Variants in POTEH observed in about 807,000 individuals in gnomAD.
The protein encoded by POTEH is ANKRD26-like family C member 3.
A neutral mutation model predicts 41.7 loss-of-function variants in POTEH; 6 were observed. The observed-to-expected ratio is 0.14, with a 90% CI of 0.08 to 0.28. The LOEUF (loss-of-function observed/expected upper bound fraction) is 0.28. POTEH is among the 10% of genes least tolerant of loss of function. The pLI is 1.00. For synonymous variants in POTEH, 38 were observed against 179.9 expected (o/e 0.21, Z 6.31); for missense variants, 115 against 533.5 (o/e 0.22, Z 7.73).
rs1378916984 is a variant in POTEH, at chr22:15,717,045, A to G, written c.1521-2615A>G. Among the ~76,000 whole-genome samples, 2 of 68,866 alleles carry G rather than the reference A, an allele frequency of 2.9e-5. 1 individual carries two copies. Among genetic ancestry groups the G allele is most frequent in the Admixed American group, 3.8e-4 (2 of 5,256 alleles). The allele number at this position is 68,866 out of a possible 152,430, so 45.2% of individuals were successfully genotyped here. ...TTTCCTTTATGAATTATCCAGTCTC[A>G]GGTATGTATGTGTATGAATTACCCA... On this transcript the variant is annotated intron_variant, in intron 9 of 10. Transcript: ENST00000343518.
chr22:15,691,319 C>G (rs1289148103), intron 1 of POTEH, among the ~76,000 whole-genome samples: 8 of 134,134 alleles, frequency 6.0e-5, no homozygotes, highest in African/African-American at 1.1e-4. Context: ...GTCAGGAGAT[C>G]GAGACCATCC....
chr22:15,708,134 ATTTTT>A, intron 7 of POTEH, 44 bp downstream of exon 7: 5 of 462,648 alleles, frequency 1.1e-5, no homozygotes, highest in Non-Finnish European at 1.4e-5. Context: ...AACGTTTTTT[ATTTTT>A]TTTTTTTTTG....
rs202123252 is a variant in POTEH at position 15,707,559 on chromosome 22, T to TA, written c.1238-444dup. Among the ~76,000 whole-genome samples, 189 of 32,416 alleles carry TA rather than the reference T, an allele frequency of 5.8e-3. 1 individual carries two copies. The highest frequency in any genetic ancestry group is 6.8e-3 in the African/African-American group (43 of 6,306). 21.3% of individuals were successfully genotyped at this position (32,416 alleles called of 152,430 possible). A position where few individuals can be genotyped will look rare whatever the true frequency, so the allele number is the denominator to read the frequency against. On this transcript the variant is annotated intron_variant, in intron 6 of 10. Coordinates refer to ENST00000343518, the MANE Select transcript of POTEH (RefSeq NM_001136213.1). The stretch of plus-strand genomic sequence containing the variant: ...GTGACAGAGCAAGACCCTGGCTCAT[T>TA]AAAAAAAAAAAAAAAAATTAAAATA...
At chr22:15,691,239 T>G (rs1989301436) in intron 1 of POTEH, among the ~76,000 whole-genome samples, 1 of 140,942 alleles carries the variant, frequency 7.1e-6, no homozygotes, top group South Asian at 2.2e-4. Context: ...ATGTGAGCTT[T>G]TTGGCTGGGC....
intron 8 of POTEH, among the ~76,000 whole-genome samples, chr22:15,710,367 G>A (rs1281807655): frequency 1.3e-5 from 2 of 149,250 alleles, no homozygotes; most frequent in African/African-American, 5.0e-5. Flanking sequence ...AGGCAGTGGG[G>A]GAGAAGAATA....
rs1369314988 is a variant in POTEH at position 15,691,937 on chromosome 22, A to G, written c.632+1228A>G. 2.7e-5 allele frequency among the ~76,000 whole-genome samples: 4 copies of G among 147,308 alleles called. No individual in the cohort carries two copies. The South Asian group carries it at 6.5e-4, about 24-fold the overall frequency. ...TTAAAAATTTTAAATATACAAAAAG[A>G]GAAACATACCAGAAGAAAACACAAG... is the stretch of plus-strand genomic sequence containing the variant. On this transcript the variant is annotated intron_variant, in intron 1 of 10. Coordinates refer to ENST00000343518, the MANE Select transcript of POTEH (RefSeq NM_001136213.1).
chr22:15,711,617 C>A (rs2077444843), intron 9 of POTEH, among the ~76,000 whole-genome samples: 1 of 151,798 alleles, frequency 6.6e-6, no homozygotes, highest in Non-Finnish European at 1.5e-5. Context: ...TTGGTAAATA[C>A]ATTTTGAACA....
In POTEH at chr22:15,692,997, G is replaced by A. The variant is rs1156360373; in HGVS notation, c.632+2288G>A. Among the ~76,000 whole-genome samples, 8 of 125,178 alleles carry A rather than the reference G, an allele frequency of 6.4e-5. No individual in the cohort carries two copies. In the South Asian group the frequency reaches 1.9e-3, roughly 30 times the overall value. 82.1% of individuals were successfully genotyped at this position (125,178 alleles called of 152,430 possible). A position where few individuals can be genotyped will look rare whatever the true frequency, so the allele number is the denominator to read the frequency against. ...TTAAAATAGCAGTGTATTTAGAAAAGCCCATATAAAGATTTCATGAACAAA... is the reference window on the plus strand; with the variant it reads ...TTAAAATAGCAGTGTATTTAGAAAAACCCATATAAAGATTTCATGAACAAA... On this transcript the variant is annotated intron_variant, in intron 1 of 10. Coordinates refer to ENST00000343518, the MANE Select transcript of POTEH (RefSeq NM_001136213.1).
intron 7 of POTEH, among the ~76,000 whole-genome samples, chr22:15,708,540 A>AG (rs1569287659): frequency 6.5e-5 from 5 of 76,730 alleles, no homozygotes; most frequent in African/African-American, 1.1e-4. Context: ...AAAAAAAAAA[A>AG]AATATTTTAA....
intron 9 of POTEH, among the ~76,000 whole-genome samples, chr22:15,714,232 T>G (rs111548637): frequency 6.6e-6 from 1 of 152,152 alleles, no homozygotes; most frequent in South Asian, 2.1e-4. Context: ...TCTAGATGAG[T>G]GTCATAGACT....
At chr22:15,697,157 T>C (rs1349458451) in intron 3 of POTEH, among the ~76,000 whole-genome samples, 1 of 146,432 alleles carries the variant, frequency 6.8e-6, no homozygotes, top group Non-Finnish European at 1.5e-5. Flanking sequence ...TGAGCCCCTG[T>C]CTCTAAAAAC....
intron 1 of POTEH, among the ~76,000 whole-genome samples, chr22:15,691,319 C>T (rs1289148103): frequency 8.2e-5 from 11 of 134,010 alleles, no homozygotes; most frequent in South Asian, 2.3e-4. Flanking sequence ...GTCAGGAGAT[C>T]GAGACCATCC....
chr22:15,693,501 AGATT>A (rs1281677381), intron 1 of POTEH, among the ~76,000 whole-genome samples: 27 of 152,250 alleles, frequency 1.8e-4, no homozygotes, highest in East Asian at 5.8e-4. Flanking sequence ...CATTATATAT[AGATT>A]AACATGTAAA....
intron 1 of POTEH, among the ~76,000 whole-genome samples, chr22:15,692,464 A>T (rs1451859626): frequency 1.4e-5 from 2 of 146,306 alleles, no homozygotes; most frequent in Non-Finnish European, 3.1e-5. Flanking sequence ...AAGTTAGAGG[A>T]GGAATGAAAG....
At chr22:15,718,137 CT>C in intron 9 of POTEH, among the ~76,000 whole-genome samples, 1 of 76,044 alleles carries the variant, frequency 1.3e-5, no homozygotes, top group African/African-American at 5.4e-5. Flanking sequence ...CACGCTGTTT[CT>C]GTTACTGTGG....
intron 1 of POTEH, 24 bp downstream of exon 1, chr22:15,690,733 A>G: frequency 7.1e-7 from 1 of 1,400,122 alleles, no homozygotes; most frequent in Non-Finnish European, 9.9e-7. Flanking sequence ...GGCTGGGAGG[A>G]GGTGGGATGT....
intron 1 of POTEH, among the ~76,000 whole-genome samples, chr22:15,691,542 AAAAGT>A: frequency 7.2e-6 from 1 of 138,348 alleles, no homozygotes; most frequent in South Asian, 2.3e-4. Flanking sequence ...AAAAAAAAAA[AAAAGT>A]GAGCTTTTTC....
rs530634636 is a variant in POTEH, at chr22:15,712,605, T to G, written c.1520+1571T>G. Among the ~76,000 whole-genome samples the G allele has an allele frequency of 5.9e-3, 227 of 38,690 alleles. 5 individuals carry two copies. Among genetic ancestry groups the G allele is most frequent in the African/African-American group, 0.023 (211 of 9,126 alleles). 25.4% of individuals were successfully genotyped at this position (38,690 alleles called of 152,430 possible). A position where few individuals can be genotyped will look rare whatever the true frequency, so the allele number is the denominator to read the frequency against. ...GTAAAAGTGTCCTGCATGGGTGACA[T>G]TATCTTTCCTTTGAGAAAAGGATAT... On this transcript the variant is annotated intron_variant, in intron 9 of 10. Transcript: ENST00000343518.
rs1456872378 is a variant in POTEH, at chr22:15,717,269, T to A, written c.1521-2391T>A. ...GCTGCAGTAAACATATGTGTGCGGG[T>A]GTCTTTGTGAGAGTACGATTTCTTT... is the stretch of plus-strand genomic sequence containing the variant. On this transcript the variant is annotated intron_variant, in intron 9 of 10. Transcript: ENST00000343518. Among the ~76,000 whole-genome samples the A allele has an allele frequency of 2.2e-5, 2 of 91,564 alleles. 1 individual carries two copies. Among genetic ancestry groups the A allele is most frequent in the African/African-American group, 6.8e-5 (2 of 29,490 alleles). The allele number at this position is 91,564 out of a possible 152,430, so 60.1% of individuals were successfully genotyped here.
Sources: allele counts gnomAD v4.1 joint callset (sites outside exome capture counted in the v4.1 genomes callset), GRCh38; gene constraint gnomAD v4.1.1; transcripts MANE v1.5; gene names NCBI Gene and HGNC (gene_info 2026-07-23, HGNC 2026-07-21).